INPP4B: variants seen among roughly 807,000 people sequenced by gnomAD.
The protein encoded by INPP4B is inositol polyphosphate-4-phosphatase type II B.
INPP4B carries 55 observed loss-of-function variants against 122.5 expected under a neutral mutation model. The ratio of observed to expected loss-of-function variants is 0.45; its 90% CI spans 0.36 to 0.56. The LOEUF (loss-of-function observed/expected upper bound fraction) is 0.56. Among genes scored for constraint, INPP4B ranks in the 20% least tolerant of loss-of-function variants. The pLI, the probability that INPP4B is intolerant of heterozygous loss-of-function variation, is 0.00. For missense variants in INPP4B, 1,000 were observed against 1,097.7 expected (o/e 0.91, Z 1.26); for synonymous variants, 403 against 388.7 (o/e 1.04, Z -0.43).
chr4:142,459,436 A>G (rs937022099), intron 3 of INPP4B, among the ~76,000 whole-genome samples: 10 of 152,156 alleles, frequency 6.6e-5, no homozygotes, highest in Non-Finnish European at 1.2e-4. Flanking sequence ...GAGGAGTAAG[A>G]GTGAAACGAA....
At chr4:142,582,332 C>A (rs1290401326) in intron 2 of INPP4B, among the ~76,000 whole-genome samples, 1 of 152,008 alleles carries the variant, frequency 6.6e-6, no homozygotes, top group Non-Finnish European at 1.5e-5. Context: ...TCAAGTGAAG[C>A]CACAAAAATA....
At chr4:142,640,044 T>A (rs1750041975) in intron 2 of INPP4B, among the ~76,000 whole-genome samples, 1 of 151,924 alleles carries the variant, frequency 6.6e-6, no homozygotes, top group South Asian at 2.1e-4. Flanking sequence ...AGTGAAAAGG[T>A]GAAAAACCTC....
chr4:142,562,976 C>T (rs1028919615), intron 2 of INPP4B, among the ~76,000 whole-genome samples: 1 of 152,138 alleles, frequency 6.6e-6, no homozygotes, highest in Non-Finnish European at 1.5e-5. Flanking sequence ...AACACACAAA[C>T]TTAAGTCAAA....
intron 7 of INPP4B, among the ~76,000 whole-genome samples, chr4:142,328,768 T>A (rs1773369509): frequency 6.6e-6 from 1 of 152,238 alleles, no homozygotes; most frequent in African/African-American, 2.4e-5. Flanking sequence ...TGGAAAATAT[T>A]CATAGTTAAT....
At chr4:142,420,998 A>C (rs1806758029) in intron 5 of INPP4B, among the ~76,000 whole-genome samples, 1 of 152,140 alleles carries the variant, frequency 6.6e-6, no homozygotes, top group Admixed American at 6.6e-5. Flanking sequence ...GGTAAATAGT[A>C]ATATCCTTCC....
intron 7 of INPP4B, among the ~76,000 whole-genome samples, chr4:142,391,331 G>A (rs1050987515): frequency 6.6e-6 from 1 of 152,208 alleles, no homozygotes; most frequent in African/African-American, 2.4e-5. Flanking sequence ...GCCGAGGCGG[G>A]TGGATCATCT....
chr4:142,554,124 G>A (rs1045215160), intron 2 of INPP4B, among the ~76,000 whole-genome samples: 14 of 150,230 alleles, frequency 9.3e-5, no homozygotes, highest in African/African-American at 3.4e-4. Flanking sequence ...TGAAGGAGGA[G>A]GTTGCAGTGA....
chr4:142,444,012 A>T (rs934731225), intron 3 of INPP4B, among the ~76,000 whole-genome samples: 1 of 152,136 alleles, frequency 6.6e-6, no homozygotes, highest in African/African-American at 2.4e-5. Flanking sequence ...TATGCTAAAA[A>T]CTCTAGTGGA....
intron 2 of INPP4B, among the ~76,000 whole-genome samples, chr4:142,554,725 T>C (rs569664298): frequency 2.6e-5 from 4 of 152,360 alleles, no homozygotes; most frequent in Admixed American, 2.6e-4. Context: ...AGTCAGAATT[T>C]CATTTTAATG....
At chr4:142,157,885 T>G (rs183991700) in intron 17 of INPP4B, among the ~76,000 whole-genome samples, 32 of 152,028 alleles carry the variant, frequency 2.1e-4, no homozygotes, top group African/African-American at 7.5e-4. Flanking sequence ...TCTTTTTCTC[T>G]TAGCACATGG....
rs191592439 is a variant in INPP4B at position 142,299,481 on chromosome 4, A to C, written c.503+5977T>G. Among the ~76,000 whole-genome samples the C allele has an allele frequency of 2.0e-5, 3 of 150,170 alleles. No homozygotes were observed. The East Asian group carries it at 5.9e-4, about 30-fold the overall frequency. ...TGTTCACTTTCAAAGAAAAAAATGT[A>C]GTGTTTTGATGCATTGCTTTTAGGT... On this transcript the variant is annotated intron_variant, in intron 9 of 25. Transcript: ENST00000262992.
intron 16 of INPP4B, among the ~76,000 whole-genome samples, chr4:142,172,841 C>G (rs7699731): frequency 1.3e-5 from 2 of 151,850 alleles, no homozygotes; most frequent in African/African-American, 4.8e-5. Flanking sequence ...GGCATATTTA[C>G]TGAAAGTTTC....
intron 1 of INPP4B, among the ~76,000 whole-genome samples, chr4:142,821,095 A>T (rs1196962468): frequency 6.6e-6 from 1 of 152,134 alleles, no homozygotes; most frequent in Non-Finnish European, 1.5e-5. Flanking sequence ...CACAATATGC[A>T]GGCTTGCTCC....
chr4:142,810,907 A>G (rs1285215835), intron 1 of INPP4B, among the ~76,000 whole-genome samples: 1 of 152,224 alleles, frequency 6.6e-6, no homozygotes, highest in African/African-American at 2.4e-5. Flanking sequence ...CAAAAAATAC[A>G]TTGGTTTAGA....
At position 142,305,523 on chromosome 4, in the gene INPP4B, G is replaced by A. The variant is rs149685320; in HGVS notation, c.438C>T (p.Gly146=). Residue 146 remains glycine, a synonymous_variant, in exon 9 of 26, where the codon GGC becomes GGT. Coordinates refer to ENST00000262992, the MANE Select transcript of INPP4B (RefSeq NM_001101669.3). ...GCTCTCCCACTTTAAAACTGGCATA[G>A]CCCAAGAAACTTCGCTGAAAATAAC... ...PPPEVGRSFL[G]YASFKVGELL... 1.4e-4 allele frequency: 225 copies of A among 1,612,062 alleles called. 1 individual carries two copies. The African/African-American group carries it at 2.7e-3, about 19-fold the overall frequency.
At chr4:142,233,702 A>T (rs1325485643) in intron 12 of INPP4B, among the ~76,000 whole-genome samples, 1 of 152,142 alleles carries the variant, frequency 6.6e-6, no homozygotes, top group African/African-American at 2.4e-5. Flanking sequence ...TGCCCTGGAG[A>T]TTACACCAAG....
intron 7 of INPP4B, among the ~76,000 whole-genome samples, chr4:142,370,140 T>C (rs1789308174): frequency 1.3e-5 from 2 of 152,122 alleles, no homozygotes; most frequent in South Asian, 4.1e-4. Context: ...GGAAGTTAGA[T>C]GCTCAAGGTC....
At chr4:142,150,619 T>C (rs1813367728) in intron 17 of INPP4B, among the ~76,000 whole-genome samples, 1 of 152,162 alleles carries the variant, frequency 6.6e-6, no homozygotes, top group African/African-American at 2.4e-5. Flanking sequence ...GCAGCAATAT[T>C]TATTTCACTC....
At chr4:142,623,917 C>T (rs1745607724) in intron 2 of INPP4B, among the ~76,000 whole-genome samples, 1 of 152,052 alleles carries the variant, frequency 6.6e-6, no homozygotes, top group South Asian at 2.1e-4. Context: ...TTTATGGCTG[C>T]ATAGTATTCC....
Sources: allele counts gnomAD v4.1 joint callset (sites outside exome capture counted in the v4.1 genomes callset), GRCh38; gene constraint gnomAD v4.1.1; transcripts MANE v1.5; gene names NCBI Gene and HGNC (gene_info 2026-07-23, HGNC 2026-07-21).